Variants in NPL observed in about 807,000 individuals in gnomAD.
NPL encodes the protein N-acetylneuraminate lyase.
Under a neutral mutation model 41.1 loss-of-function variants are expected in NPL, and 32 were observed. The observed-to-expected ratio is 0.78, with a 90% CI of 0.59 to 1.05. The LOEUF (loss-of-function observed/expected upper bound fraction) is 1.05. Among genes scored for constraint, NPL ranks in the 50% least tolerant of loss-of-function variants. NPL has a pLI of 0.00. For synonymous variants in NPL, 128 were observed against 134.9 expected, an observed-to-expected ratio of 0.95 and a Z score of 0.35; for missense variants, 321 against 378.4, an observed-to-expected ratio of 0.85 and a Z score of 1.26.
At chr1:182,818,939 A>G in intron 10 of NPL, 80 bp downstream of exon 10, 2 of 1,163,194 alleles carry the variant, frequency 1.7e-6, no homozygotes, top group Middle Eastern at 2.0e-4. Context: ...TATTTCTTGC[A>G]TGTGTATCCT....
At chr1:182,803,521 A>G (rs894723652) in intron 3 of NPL, among the ~76,000 whole-genome samples, 177 bp from the exon 4 acceptor site, 6 of 150,032 alleles carry the variant, frequency 4.0e-5, no homozygotes, top group Admixed American at 6.6e-5. Flanking sequence ...TGAAGAAATC[A>G]CCAGATTCAG....
chr1:182,806,669 C>A, intron 5 of NPL: 1 of 969,230 alleles, frequency 1.0e-6, no homozygotes, highest in Non-Finnish European at 1.5e-6. Context: ...GTGCATCCAA[C>A]TCAATGTGCT....
At chr1:182,827,131 A>G (rs1192419426) in intron 12 of NPL, 1 of 152,248 alleles carries the variant, frequency 6.6e-6, no homozygotes, top group Non-Finnish European at 1.5e-5. Flanking sequence ...GACCTACTGT[A>G]TATTCGATCA....
chr1:182,819,123 C>T (rs1667418548), intron 10 of NPL, among the ~76,000 whole-genome samples: 1 of 151,440 alleles, frequency 6.6e-6, no homozygotes. Flanking sequence ...AGTTCAAAAC[C>T]AGCCTGGCCA....
intron 5 of NPL, among the ~76,000 whole-genome samples, chr1:182,807,296 A>T (rs1028433837): frequency 2.6e-5 from 4 of 150,960 alleles, no homozygotes; most frequent in East Asian, 1.9e-4. Flanking sequence ...ATGAATGTAT[A>T]AAAAAAAAGG....
At chr1:182,814,487 G>A (rs1004098545) in intron 6 of NPL, among the ~76,000 whole-genome samples, 2 of 152,130 alleles carry the variant, frequency 1.3e-5, no homozygotes, top group Admixed American at 6.5e-5. Flanking sequence ...CAGATATCTC[G>A]ATTAACTGTT....
chr1:182,817,279 T>C (rs1667360535), intron 8 of NPL, among the ~76,000 whole-genome samples: 1 of 152,216 alleles, frequency 6.6e-6, no homozygotes, highest in African/African-American at 2.4e-5. Flanking sequence ...TTTCTTAGAT[T>C]ATTTTTAAAA....
At chr1:182,794,812 A>G (rs867292760) in intron 3 of NPL, among the ~76,000 whole-genome samples, 4 of 152,310 alleles carry the variant, frequency 2.6e-5, no homozygotes, top group Middle Eastern at 3.4e-3. Context: ...ATTGGATATC[A>G]AGCACTGACC....
At chr1:182,805,258 C>T (rs1359076616) in intron 4 of NPL, among the ~76,000 whole-genome samples, 1 of 152,014 alleles carries the variant, frequency 6.6e-6, no homozygotes, top group Non-Finnish European at 1.5e-5. Context: ...GGCAAAACCC[C>T]ATCTCTACTA....
At chr1:182,817,199 ACTTCT>A (rs1667358981) in intron 8 of NPL, among the ~76,000 whole-genome samples, 1 of 152,110 alleles carries the variant, frequency 6.6e-6, no homozygotes, top group Admixed American at 6.5e-5. Flanking sequence ...ATCTCTTCTG[ACTTCT>A]CTTCTAGCTT....
chr1:182,811,598 G>T (rs970262593), intron 5 of NPL, among the ~76,000 whole-genome samples: 2 of 152,108 alleles, frequency 1.3e-5, no homozygotes, highest in African/African-American at 4.8e-5. Flanking sequence ...ATGTATATAA[G>T]ACGAATTTCT....
At position 182,829,693 on chromosome 1, in the gene NPL, C is replaced by T. The variant is rs1444696343; in HGVS notation, c.*785C>T. 2.1e-6 allele frequency: 3 copies of T among 1,423,108 alleles called. No homozygotes were observed. Among genetic ancestry groups the T allele is most frequent in the Non-Finnish European group, 2.9e-6 (3 of 1,030,694 alleles). 88.2% of individuals were successfully genotyped at this position (1,423,108 alleles called of 1,614,324 possible). On this transcript the variant is annotated 3_prime_UTR_variant, in exon 13 of 13. Coordinates refer to ENST00000367553, the MANE Select transcript of NPL (RefSeq NM_030769.3). ...TTCCTCCACTGAGAAGACTGTCTCT[C>T]CCGCAGGACCCTGAATTATTGAAAT...
chr1:182,796,413 G>A (rs1466881302), intron 3 of NPL, among the ~76,000 whole-genome samples: 3 of 152,150 alleles, frequency 2.0e-5, no homozygotes, highest in Non-Finnish European at 2.9e-5. Context: ...ACATGAGATG[G>A]AAGGAAGGGG....
rs188872058 is a variant in NPL, at chr1:182,795,159, C to A, written c.68+720C>A. On this transcript the variant is annotated intron_variant, in intron 3 of 12. Coordinates refer to ENST00000367553, the MANE Select transcript of NPL (RefSeq NM_030769.3). ...GTGTATAACTCCTCCTTGAACATCA[C>A]CCCTGACAAAAGAGAGTTCATCCAC... Among the ~76,000 whole-genome samples, 211 of 152,280 alleles carry A rather than the reference C, an allele frequency of 1.4e-3. 1 individual carries two copies. Among genetic ancestry groups the A allele is most frequent in the South Asian group, 2.7e-3 (13 of 4,826 alleles).
intron 2 of NPL, among the ~76,000 whole-genome samples, chr1:182,792,621 C>T (rs956482854): frequency 2.0e-5 from 3 of 152,164 alleles, no homozygotes; most frequent in African/African-American, 7.2e-5. Context: ...TCCCATGGGC[C>T]AGGTTATTGG....
chr1:182,815,861 C>T (rs1667315136), intron 7 of NPL, among the ~76,000 whole-genome samples: 4 of 152,154 alleles, frequency 2.6e-5, no homozygotes, highest in Non-Finnish European at 4.4e-5. Flanking sequence ...CCTCAGCCTC[C>T]CAAAGTACTG....
At chr1:182,826,246 G>A (rs1667627461) in intron 12 of NPL, 1 of 212,698 alleles carries the variant, frequency 4.7e-6, no homozygotes, top group Non-Finnish European at 9.6e-6. Flanking sequence ...ATTAACACAA[G>A]TAAGCCTAAA....
intron 5 of NPL, among the ~76,000 whole-genome samples, chr1:182,809,467 G>A (rs1667116162): frequency 6.6e-6 from 1 of 151,852 alleles, no homozygotes; most frequent in African/African-American, 2.4e-5. Context: ...TTGTACCCTG[G>A]AGGTGGAGGT....
intron 5 of NPL, among the ~76,000 whole-genome samples, chr1:182,809,523 G>C (rs1349131881): frequency 6.7e-6 from 1 of 148,632 alleles, no homozygotes; most frequent in Admixed American, 6.7e-5. Context: ...CTGGGCGACA[G>C]AGTGAGACTC....
Sources: gnomAD v4.1 joint callset for allele counts (sites outside exome capture counted in the v4.1 genomes callset) on GRCh38, gnomAD v4.1.1 for gene constraint, MANE v1.5 for transcripts, NCBI Gene and HGNC (gene_info 2026-07-23, HGNC 2026-07-21) for gene names.